DIXDC1: variants seen among roughly 807,000 people sequenced by gnomAD.
DIXDC1 encodes dixin.
DIXDC1 carries 64 observed loss-of-function variants against 103.1 expected under a neutral mutation model. The ratio of observed to expected loss-of-function variants is 0.62; its 90% CI spans 0.51 to 0.76. The LOEUF is 0.76. Ranked by LOEUF, DIXDC1 falls within the 30% of genes least tolerant of loss-of-function variation. The pLI is 0.00. For synonymous variants in DIXDC1, 266 were observed against 298.5 expected (o/e 0.89, Z 1.12); for missense variants, 759 against 834.2 (o/e 0.91, Z 1.11).
chr11:111,996,888 T>G (rs965187686), intron 17 of DIXDC1, among the ~76,000 whole-genome samples: 6 of 152,164 alleles, frequency 3.9e-5, no homozygotes, highest in African/African-American at 1.2e-4. Flanking sequence ...AGGCGTTTAG[T>G]TTAAGTCCTG....
chr11:111,929,686 T>G, intron 1 of DIXDC1: 1 of 548,804 alleles, frequency 1.8e-6, no homozygotes, highest in Non-Finnish European at 3.2e-6. Flanking sequence ...TAGGGTCCTA[T>G]TTCTGATACT....
At chr11:111,956,811 C>T (rs934895054) in intron 1 of DIXDC1, among the ~76,000 whole-genome samples, 4 of 151,744 alleles carry the variant, frequency 2.6e-5, no homozygotes, top group East Asian at 1.9e-4. Context: ...ATTACAGTAG[C>T]GGATTAATAG....
rs587668059 is a variant in DIXDC1 at position 111,975,753 on chromosome 11, T to C, written c.656+770T>C. 10 of 985,428 alleles carry C rather than the reference T, an allele frequency of 1.0e-5. No homozygotes were observed. The African/African-American group carries it at 1.6e-4, about 15-fold the overall frequency. 61.0% of individuals were successfully genotyped at this position (985,428 alleles called of 1,614,324 possible). ...AATCTGCTCTATTTAGGGCTAATTG[T>C]TCCTTGTCTTGTATGTATGTTATGT... On this transcript the variant is annotated intron_variant, in intron 5 of 19. Coordinates refer to ENST00000440460, the MANE Select transcript of DIXDC1 (RefSeq NM_001037954.4).
At chr11:111,988,757 C>G (rs1204044194) in intron 9 of DIXDC1, among the ~76,000 whole-genome samples, 2 of 152,172 alleles carry the variant, frequency 1.3e-5, no homozygotes, top group African/African-American at 4.8e-5. Context: ...TATCTTCTTT[C>G]TTGGCAACTC....
intron 3 of DIXDC1, among the ~76,000 whole-genome samples, chr11:111,973,385 A>G (rs1859999432): frequency 6.6e-6 from 1 of 152,016 alleles, no homozygotes; most frequent in South Asian, 2.1e-4. Flanking sequence ...AAAAAAAAAA[A>G]GGTGAGATTA....
At position 111,992,985 on chromosome 11, in the gene DIXDC1, G is replaced by A. The variant is rs587618418; in HGVS notation, c.1253G>A (p.Arg418Gln). The part of the protein sequence containing the change: ...DLQRKLDERN[R>Q]LLGEYKKELG... ...CAGAGGAAGCTAGATGAGAGGAACC[G>A]GCTCTTGGGAGAATATAAAGTAAGA... Residue 418 changes from arginine to glutamine, a missense_variant, in exon 12 of 20, where the codon CGG becomes CAG. Physicochemically the swap from Arg to Gln is conservative, Grantham distance 43. This residue lies in a region of DIXDC1 where 657 missense variants were observed against 727.5 expected (regional missense o/e 0.90). Coordinates refer to ENST00000440460, the MANE Select transcript of DIXDC1 (RefSeq NM_001037954.4). 71 of 1,607,212 alleles carry A rather than the reference G, an allele frequency of 4.4e-5. No individual in the cohort carries two copies. The East Asian group carries it at 1.3e-3, about 29-fold the overall frequency.
chr11:111,995,362 G>T, intron 15 of DIXDC1, 41 bp from the exon 16 acceptor site: 1 of 1,604,060 alleles, frequency 6.2e-7, no homozygotes, highest in South Asian at 1.1e-5. Context: ...GTTGGGAAGT[G>T]GCACCGTGCC....
chr11:111,999,638 G>A (rs1861004857), intron 17 of DIXDC1, among the ~76,000 whole-genome samples: 1 of 152,192 alleles, frequency 6.6e-6, no homozygotes, highest in Admixed American at 6.5e-5. Flanking sequence ...GCTGATGTGG[G>A]TGTATCACCT....
At chr11:111,994,541 A>G (rs782396292) in intron 14 of DIXDC1, among the ~76,000 whole-genome samples, 3 of 151,136 alleles carry the variant, frequency 2.0e-5, no homozygotes, top group Non-Finnish European at 2.9e-5. Flanking sequence ...ATGTGTGTAT[A>G]TGTATATGTA....
chr11:111,940,642 A>T (rs1287845818), intron 1 of DIXDC1, among the ~76,000 whole-genome samples: 1 of 152,158 alleles, frequency 6.6e-6, no homozygotes, highest in Non-Finnish European at 1.5e-5. Context: ...TTATTCAGTT[A>T]TTCATTAGTT....
At chr11:112,016,926 T>G in intron 18 of DIXDC1, 130 bp downstream of exon 18, 1 of 718,850 alleles carries the variant, frequency 1.4e-6, no homozygotes, top group Non-Finnish European at 2.2e-6. Flanking sequence ...TATAGTGAGA[T>G]AAGCCAGAGA....
chr11:111,940,169 G>A (rs892801829), intron 1 of DIXDC1, among the ~76,000 whole-genome samples: 2 of 152,210 alleles, frequency 1.3e-5, no homozygotes, highest in African/African-American at 2.4e-5. Context: ...GTTGGCTTCT[G>A]TTCTCAATCC....
At chr11:112,011,396 C>T (rs373271054) in intron 17 of DIXDC1, among the ~76,000 whole-genome samples, 8 of 152,130 alleles carry the variant, frequency 5.3e-5, no homozygotes, top group African/African-American at 1.7e-4. Flanking sequence ...GACAGTGTGG[C>T]GATTCCTCAA....
chr11:111,986,211 A>G (rs1555173805), intron 8 of DIXDC1, among the ~76,000 whole-genome samples: 10 of 152,052 alleles, frequency 6.6e-5, no homozygotes, highest in Non-Finnish European at 2.9e-5. Flanking sequence ...TCATTTTGTA[A>G]CCCTTCTGCA....
At chr11:112,014,208 A>G (rs903194722) in intron 17 of DIXDC1, among the ~76,000 whole-genome samples, 2 of 152,158 alleles carry the variant, frequency 1.3e-5, no homozygotes, top group Admixed American at 6.5e-5. Flanking sequence ...GTCCCATCCA[A>G]TCCATACTTT....
intron 15 of DIXDC1, 52 bp from the exon 16 acceptor site, chr11:111,995,351 G>A: frequency 1.9e-6 from 3 of 1,600,970 alleles, no homozygotes; most frequent in East Asian, 2.2e-5. Flanking sequence ...TAAGCCCAGT[G>A]GTTGGGAAGT....
intron 3 of DIXDC1, among the ~76,000 whole-genome samples, chr11:111,970,093 T>C (rs1415441100): frequency 5.9e-5 from 9 of 152,182 alleles, no homozygotes; most frequent in African/African-American, 2.2e-4. Flanking sequence ...TTTTGCTTTG[T>C]CACCCAGACT....
intron 1 of DIXDC1, among the ~76,000 whole-genome samples, chr11:111,955,834 A>C (rs1555170514): frequency 9.8e-6 from 1 of 102,040 alleles, no homozygotes; most frequent in African/African-American, 8.0e-5. Flanking sequence ...ACTCTAGCTC[A>C]AAAAAAAAAA....
chr11:111,965,329 C>G (rs1167653420), intron 2 of DIXDC1, among the ~76,000 whole-genome samples: 2 of 152,012 alleles, frequency 1.3e-5, no homozygotes, highest in Admixed American at 6.6e-5. Context: ...CATTTGATTA[C>G]CTATCCTGTG....
Sources: allele counts gnomAD v4.1 joint callset (sites outside exome capture counted in the v4.1 genomes callset), GRCh38; gene constraint gnomAD v4.1.1; regional missense constraint gnomAD v4.1.1; transcripts MANE v1.5; gene names NCBI Gene and HGNC (gene_info 2026-07-23, HGNC 2026-07-21).